The following KALRN variants were observed in gnomAD, a reference collection of about 807,000 sequenced individuals.
The protein encoded by KALRN is kalirin.
A neutral mutation model predicts 353.7 loss-of-function variants in KALRN; 70 were observed. The observed-to-expected ratio is 0.20, with a 90% confidence interval of 0.16 to 0.24. KALRN has a LOEUF of 0.24. Ranked by LOEUF, KALRN falls within the 10% of genes least tolerant of loss-of-function variation. The pLI is 1.00. For missense variants in KALRN, 2,791 were observed against 3,756.7 expected (o/e 0.74, Z 6.72); for synonymous variants, 1,391 against 1,434.8 (o/e 0.97, Z 0.69).
intron 6 of KALRN, among the ~76,000 whole-genome samples, chr3:124,321,021 T>C (rs765429343): frequency 2.0e-5 from 3 of 152,244 alleles, no homozygotes; most frequent in Non-Finnish European, 2.9e-5. Context: ...TGTTGTACTT[T>C]TTACTAATAC....
chr3:124,231,843 A>G (rs1023360635), intron 2 of KALRN, among the ~76,000 whole-genome samples: 20 of 152,002 alleles, frequency 1.3e-4, no homozygotes, highest in African/African-American at 4.4e-4. Flanking sequence ...TGGGGTCCTT[A>G]TTATTCATCT....
At chr3:124,542,270 G>A (rs2069115501) in intron 33 of KALRN, among the ~76,000 whole-genome samples, 1 of 152,146 alleles carries the variant, frequency 6.6e-6, no homozygotes, top group African/African-American at 2.4e-5. Context: ...ACAACAAAGA[G>A]TTTGTGGTTC....
intron 1 of KALRN, among the ~76,000 whole-genome samples, chr3:124,051,398 G>C (rs941768346): frequency 6.6e-6 from 1 of 152,288 alleles, no homozygotes; most frequent in Non-Finnish European, 1.5e-5. Flanking sequence ...TGCTTTCCAA[G>C]TCTCTTCAAC....
intron 33 of KALRN, among the ~76,000 whole-genome samples, chr3:124,538,371 T>C (rs1384652001): frequency 6.6e-6 from 1 of 152,046 alleles, no homozygotes; most frequent in Non-Finnish European, 1.5e-5. Context: ...TTGTCTTAAG[T>C]AGTTAAGAAG....
intron 13 of KALRN, among the ~76,000 whole-genome samples, chr3:124,406,832 CTT>C (rs10686645): frequency 7.9e-5 from 10 of 126,260 alleles, no homozygotes; most frequent in Admixed American, 8.4e-5. Context: ...AGTTGCTTTG[CTT>C]TTTTTTTTTT....
intron 13 of KALRN, among the ~76,000 whole-genome samples, chr3:124,402,657 G>T (rs2091019483): frequency 6.6e-6 from 1 of 152,046 alleles, no homozygotes; most frequent in African/African-American, 2.4e-5. Flanking sequence ...CAATTTTTTT[G>T]AACTTGCAAC....
chr3:124,083,444 G>A (rs1421010711), intron 1 of KALRN, among the ~76,000 whole-genome samples: 1 of 152,102 alleles, frequency 6.6e-6, no homozygotes, highest in Non-Finnish European at 1.5e-5. Flanking sequence ...AGTGTTCCAA[G>A]CCTAGGAAGA....
chr3:124,555,089 G>T (rs1430138333), intron 33 of KALRN, among the ~76,000 whole-genome samples: 1 of 152,128 alleles, frequency 6.6e-6, no homozygotes, highest in African/African-American at 2.4e-5. Flanking sequence ...AGCCCCACCT[G>T]TAGGTCCATC....
chr3:124,685,851 T>A (rs960232166), intron 51 of KALRN, among the ~76,000 whole-genome samples: 1 of 152,162 alleles, frequency 6.6e-6, no homozygotes, highest in African/African-American at 2.4e-5. Context: ...TCGTTTACGT[T>A]GTACACTAAT....
At chr3:124,297,468 G>C (rs2076934594) in intron 5 of KALRN, among the ~76,000 whole-genome samples, 1 of 152,220 alleles carries the variant, frequency 6.6e-6, no homozygotes, top group Non-Finnish European at 1.5e-5. Context: ...GAGCTGAGAT[G>C]ATGAGGAGCC....
At chr3:124,470,285 A>C (rs2060754488) in intron 25 of KALRN, among the ~76,000 whole-genome samples, 1 of 152,290 alleles carries the variant, frequency 6.6e-6, no homozygotes, top group South Asian at 2.1e-4. Flanking sequence ...AGCTAAGGTG[A>C]AATGTTTCAT....
chr3:124,238,685 T>C (rs1053236050), intron 3 of KALRN, among the ~76,000 whole-genome samples: 26 of 152,218 alleles, frequency 1.7e-4, no homozygotes, highest in African/African-American at 6.0e-4. Flanking sequence ...CCTTAAATCC[T>C]AAGAGAACTT....
rs1036508120 is a variant in KALRN at position 124,206,288 on chromosome 3, C to T, written c.74-21702C>T. ...CCTCCACTGAACACTTTGCACCCAG[C>T]CATCCGAGGATAGATGAGAAGAGAG... On this transcript the variant is annotated intron_variant, in intron 1 of 59. Transcript: ENST00000682506. Among the ~76,000 whole-genome samples the T allele has an allele frequency of 2.0e-5, 3 of 152,294 alleles. No individual in the cohort carries two copies. In the South Asian group the frequency reaches 6.2e-4, roughly 32 times the overall value.
intron 10 of KALRN, among the ~76,000 whole-genome samples, chr3:124,368,550 C>A (rs1448512612): frequency 6.7e-6 from 1 of 149,160 alleles, no homozygotes; most frequent in Admixed American, 6.6e-5. Flanking sequence ...GGATGGCGGC[C>A]GGGCGGAGAC....
At chr3:124,109,594 GA>G (rs2062645425) in intron 1 of KALRN, among the ~76,000 whole-genome samples, 1 of 151,238 alleles carries the variant, frequency 6.6e-6, no homozygotes, top group Non-Finnish European at 1.5e-5. Flanking sequence ...TTTATGGGTT[GA>G]TTTTTTTTCC....
intron 1 of KALRN, among the ~76,000 whole-genome samples, chr3:124,082,971 T>A (rs2060621526): frequency 6.6e-6 from 1 of 152,256 alleles, no homozygotes; most frequent in African/African-American, 2.4e-5. Flanking sequence ...ACCCCTTCCT[T>A]CTGGTACTTG....
intron 10 of KALRN, among the ~76,000 whole-genome samples, chr3:124,373,711 A>G (rs147493798): frequency 3.6e-3 from 545 of 152,200 alleles, no homozygotes; most frequent in African/African-American, 0.013. Flanking sequence ...ACATCTTTCT[A>G]TATGAATGAA....
intron 34 of KALRN, among the ~76,000 whole-genome samples, chr3:124,608,976 T>A (rs892156178): frequency 1.3e-5 from 2 of 152,278 alleles, no homozygotes; most frequent in Non-Finnish European, 2.9e-5. Context: ...GAAGGTACCA[T>A]GAAAGGTACC....
chr3:124,522,069 G>A (rs774780945), intron 33 of KALRN, among the ~76,000 whole-genome samples: 9 of 151,980 alleles, frequency 5.9e-5, no homozygotes, highest in Non-Finnish European at 8.8e-5. Context: ...AGTGCCAAAG[G>A]TAGAGATGCA....
Sources: gnomAD v4.1 joint callset for allele counts (sites outside exome capture counted in the v4.1 genomes callset) on GRCh38, gnomAD v4.1.1 for gene constraint, MANE v1.5 for transcripts, NCBI Gene and HGNC (gene_info 2026-07-23, HGNC 2026-07-21) for gene names.